PARP15: variants seen among roughly 807,000 people sequenced by gnomAD.
The protein encoded by PARP15 is poly(ADP-ribose) polymerase family member 15, also known as protein mono-ADP-ribosyltransferase PARP15.
A neutral mutation model predicts 62.1 loss-of-function variants in PARP15; 50 were observed. The ratio of observed to expected loss-of-function variants is 0.81; its 90% confidence interval spans 0.64 to 1.02. The LOEUF (loss-of-function observed/expected upper bound fraction) is 1.02. Ranked by LOEUF, PARP15 falls within the 50% of genes least tolerant of loss-of-function variation. The pLI is 0.00. For synonymous variants in PARP15, 309 were observed against 293.1 expected (o/e 1.05, Z -0.55); for missense variants, 820 against 826.5 (o/e 0.99, Z 0.10).
At chr3:122,628,248 AT>A (rs1196796031) in intron 9 of PARP15, among the ~76,000 whole-genome samples, 6 of 152,140 alleles carry the variant, frequency 3.9e-5, no homozygotes, top group African/African-American at 1.4e-4. Flanking sequence ...AGTCTTTCTG[AT>A]TGGACCATTT....
chr3:122,624,864 T>C (rs1266568810), intron 8 of PARP15, among the ~76,000 whole-genome samples: 2 of 152,196 alleles, frequency 1.3e-5, no homozygotes, highest in Non-Finnish European at 2.9e-5. Context: ...TTCTGAGATA[T>C]GTAAATTTCA....
At chr3:122,611,328 CTG>C (rs1330156143) in intron 3 of PARP15, among the ~76,000 whole-genome samples, 3 of 152,018 alleles carry the variant, frequency 2.0e-5, no homozygotes, top group Non-Finnish European at 4.4e-5. Context: ...CAAGAGATAA[CTG>C]TTTTCTTCTT....
intron 1 of PARP15, among the ~76,000 whole-genome samples, chr3:122,603,401 T>TA (rs200323756): frequency 2.4e-3 from 369 of 151,916 alleles, no homozygotes; most frequent in African/African-American, 8.6e-3. Context: ...AACATGTTTC[T>TA]AAAAAAACCT....
chr3:122,592,037 C>T (rs1215211772), intron 1 of PARP15, among the ~76,000 whole-genome samples: 1 of 152,128 alleles, frequency 6.6e-6, no homozygotes, highest in Non-Finnish European at 1.5e-5. Context: ...TGTAGTGATT[C>T]CTCAAAGATC....
In PARP15 at chr3:122,635,828, G is replaced by A. The variant is rs1279260503; in HGVS notation, c.1765G>A (p.Gly589Arg). ...CTTTCCAGCTGTATCCTATGGAAAA[G>A]GAACCTATTTTGCTGTGGATGCCAG... ...AGKNAVSYGKGTYFAVDASYS... is the reference protein window; with the variant it reads ...AGKNAVSYGKRTYFAVDASYS... The change falls in exon 12 of 12, where the codon GGA becomes AGA. Residue 589 changes from glycine to arginine, a missense_variant. This residue lies in a region of PARP15 where 731 missense variants were observed against 727.7 expected (regional missense o/e 1.00). Transcript: ENST00000464300. The A allele has an allele frequency of 6.2e-7, 1 of 1,613,348 alleles. No individual in the cohort carries two copies. Among genetic ancestry groups the A allele is most frequent in the Non-Finnish European group, 8.5e-7 (1 of 1,179,678 alleles).
At chr3:122,627,159 A>T in intron 9 of PARP15, 126 bp downstream of exon 9, 2 of 813,354 alleles carry the variant, frequency 2.5e-6, no homozygotes, top group East Asian at 2.7e-5. Flanking sequence ...ACAACTTCTT[A>T]TGATCCATGG....
intron 4 of PARP15, chr3:122,615,284 A>G (rs1441208166): frequency 7.8e-7 from 1 of 1,289,206 alleles, no homozygotes; most frequent in East Asian, 5.6e-5. Flanking sequence ...GTTTTCATTC[A>G]GGAGGCTTTG....
intron 5 of PARP15, 64 bp from the exon 6 acceptor site, chr3:122,616,951 A>G (rs1156921107): frequency 8.4e-6 from 13 of 1,555,316 alleles, no homozygotes; most frequent in Non-Finnish European, 1.1e-5. Context: ...TAGGGCCCCA[A>G]GATGAGTGCT....
chr3:122,614,487 AAAT>A (rs1352929154), intron 4 of PARP15, among the ~76,000 whole-genome samples: 1 of 152,210 alleles, frequency 6.6e-6, no homozygotes, highest in Non-Finnish European at 1.5e-5. Context: ...TATCCATAGG[AAAT>A]AATAATAATA....
intron 8 of PARP15, among the ~76,000 whole-genome samples, chr3:122,624,241 A>G (rs114017054): frequency 0.012 from 1,833 of 152,324 alleles, 50 homozygotes; most frequent in African/African-American, 0.042. Flanking sequence ...TAGCTGGAAT[A>G]GCTACATTAG....
chr3:122,600,241 T>G (rs185706764), intron 1 of PARP15, among the ~76,000 whole-genome samples: 162 of 152,220 alleles, frequency 1.1e-3, no homozygotes, highest in African/African-American at 3.4e-3. Flanking sequence ...GGGAGTTCAA[T>G]TAAGAAAAAT....
intron 8 of PARP15, among the ~76,000 whole-genome samples, chr3:122,622,621 G>A (rs189199663): frequency 6.6e-6 from 1 of 152,304 alleles, no homozygotes; most frequent in African/African-American, 2.4e-5. Context: ...TAGGCTCTGT[G>A]CAAGGCACTG....
chr3:122,612,868 ACTCT>A (rs1054749892), intron 3 of PARP15, among the ~76,000 whole-genome samples, 169 bp from the exon 4 acceptor site: 1 of 151,754 alleles, frequency 6.6e-6, no homozygotes, highest in East Asian at 1.9e-4. Context: ...AATGAGTGTG[ACTCT>A]CTCTGGAAAG....
rs1937473062 is a variant in PARP15 at position 122,638,429 on chromosome 3, G to A, written c.*2329G>A. ...ACAGTCCCACCAACAGTGTAAAAGT[G>A]TTCCTATTTCTCCACATCCTCTCCA... On this transcript the variant is annotated 3_prime_UTR_variant, in exon 12 of 12. Transcript: ENST00000464300. 1 of 152,152 alleles carries A rather than the reference G, an allele frequency of 6.6e-6. No homozygotes were observed. Among genetic ancestry groups the A allele is most frequent in the African/African-American group, 2.4e-5 (1 of 41,422 alleles). The allele number at this position is 152,152 out of a possible 1,614,324, so 9.4% of individuals were successfully genotyped here.
At chr3:122,618,449 T>A (rs958269671) in intron 6 of PARP15, among the ~76,000 whole-genome samples, 1 of 151,444 alleles carries the variant, frequency 6.6e-6, no homozygotes, top group Admixed American at 6.6e-5. Flanking sequence ...TGCCATGGAG[T>A]AGAGAAAATT....
chr3:122,604,591 G>T (rs1198530517), intron 1 of PARP15, among the ~76,000 whole-genome samples: 1 of 151,852 alleles, frequency 6.6e-6, no homozygotes, highest in East Asian at 1.9e-4. Context: ...GTGGTGGCTC[G>T]CACCTGTAAT....
Position 122,617,079 on chromosome 3 carries a change from T to C in PARP15, c.915T>C (p.Thr305=). The C allele has an allele frequency of 6.2e-7, 1 of 1,614,134 alleles. No homozygotes were observed. Among genetic ancestry groups the C allele is most frequent in the Non-Finnish European group, 8.5e-7 (1 of 1,179,978 alleles). The change falls in exon 6 of 12, where the codon ACT becomes ACC. Residue 305 remains threonine, a synonymous_variant. Coordinates refer to ENST00000464300, the MANE Select transcript of PARP15 (RefSeq NM_001113523.3). ...TAYEMKIGAI[T]FQVATGDIAT... ...ATGAAATGAAAATCGGTGCAATTAC[T>C]TTTCAGGTTGCTACTGGAGATATAG... is the stretch of plus-strand genomic sequence containing the variant.
At chr3:122,605,200 G>A (rs1372522950) in intron 1 of PARP15, among the ~76,000 whole-genome samples, 1 of 152,144 alleles carries the variant, frequency 6.6e-6, no homozygotes, top group Non-Finnish European at 1.5e-5. Flanking sequence ...CTGGATGAGG[G>A]CTGGTGGTGG....
chr3:122,601,748 G>A (rs1207240006), intron 1 of PARP15, among the ~76,000 whole-genome samples: 1 of 152,166 alleles, frequency 6.6e-6, no homozygotes, highest in Non-Finnish European at 1.5e-5. Context: ...TTCATGTGCA[G>A]GTATTGTGTG....
Sources: gnomAD v4.1 joint callset for allele counts (sites outside exome capture counted in the v4.1 genomes callset) on GRCh38, gnomAD v4.1.1 for gene constraint, gnomAD v4.1.1 regional missense constraint, MANE v1.5 for transcripts, NCBI Gene and HGNC (gene_info 2026-07-23, HGNC 2026-07-21) for gene names.